R3HDM1: variants seen among roughly 807,000 people sequenced by gnomAD.
The protein encoded by R3HDM1 is R3H domain containing 1, also known as R3H domain-containing protein 1.
R3HDM1 carries 46 observed loss-of-function variants against 141.1 expected under a neutral mutation model. That is an observed-to-expected ratio of 0.33 (90% CI 0.26 to 0.42). The LOEUF is 0.42. Ranked by LOEUF, R3HDM1 falls within the 10% of genes least tolerant of loss-of-function variation. The pLI, the probability that R3HDM1 is intolerant of heterozygous loss-of-function variation, is 1.00. For synonymous variants in R3HDM1, 435 were observed against 472.9 expected (o/e 0.92, Z 1.04); for missense variants, 1,184 against 1,368.3 (o/e 0.87, Z 2.12).
rs1300101155 is a variant in R3HDM1 at position 135,689,081 on chromosome 2, G to T, written c.2459+8757G>T. 2.0e-5 allele frequency among the ~76,000 whole-genome samples: 3 copies of T among 152,004 alleles called. No homozygotes were observed. The South Asian group carries it at 6.2e-4, about 32-fold the overall frequency. ...AACCCTATATATCTTCATTTAATTG[G>T]TCTGGCCCTGATCTTAAGCCTGAGC... On this transcript the variant is annotated intron_variant, in intron 21 of 26. Transcript: ENST00000683871.
At chr2:135,647,162 T>G (rs2064552068) in intron 16 of R3HDM1, among the ~76,000 whole-genome samples, 1 of 152,196 alleles carries the variant, frequency 6.6e-6, no homozygotes, top group South Asian at 2.1e-4. Flanking sequence ...TGCCTAAAAC[T>G]ATTTCCACAG....
At chr2:135,707,082 G>C (rs2075049619) in intron 21 of R3HDM1, among the ~76,000 whole-genome samples, 1 of 152,186 alleles carries the variant, frequency 6.6e-6, no homozygotes, top group South Asian at 2.1e-4. Context: ...TTTATGTCAG[G>C]ACTTTTCAGG....
At position 135,641,645 on chromosome 2, in the gene R3HDM1, C is replaced by G; in HGVS notation, c.1329C>G (p.Val443=). The G allele has an allele frequency of 6.2e-7, 1 of 1,614,198 alleles. No individual in the cohort carries two copies. The highest frequency in any genetic ancestry group is 1.1e-5 in the South Asian group (1 of 91,082). ...AGTCTTCTCATGGCGCACCTGTCGT[C>G]TATCCAACTGTCAGCACTCATAGTT... is the stretch of plus-strand genomic sequence containing the variant. ...LSQSSHGAPV[V]YPTVSTHSSL... The change falls in exon 15 of 27, where the codon GTC becomes GTG. Residue 443 remains valine, a synonymous_variant. Transcript: ENST00000683871.
At chr2:135,637,151 A>C (rs1385937996) in intron 11 of R3HDM1, among the ~76,000 whole-genome samples, 1 of 152,186 alleles carries the variant, frequency 6.6e-6, no homozygotes, top group Non-Finnish European at 1.5e-5. Flanking sequence ...TGAATAGCCA[A>C]GTAATGACAA....
chr2:135,697,468 G>A (rs762735246), intron 21 of R3HDM1, among the ~76,000 whole-genome samples: 20 of 152,234 alleles, frequency 1.3e-4, no homozygotes, highest in Middle Eastern at 6.8e-3. Flanking sequence ...ATGAATGTTT[G>A]TAGCAACAAT....
intron 1 of R3HDM1, among the ~76,000 whole-genome samples, chr2:135,585,647 T>C (rs913836492): frequency 6.6e-6 from 1 of 152,258 alleles, no homozygotes; most frequent in Non-Finnish European, 1.5e-5. Flanking sequence ...GTTTGCCTTA[T>C]AATTATTAAA....
At chr2:135,566,876 GC>G (rs1248844211) in intron 1 of R3HDM1, 3 of 550,340 alleles carry the variant, frequency 5.5e-6, no homozygotes, top group Admixed American at 1.3e-4. Context: ...GCAGGCTGGG[GC>G]AGAAGAATCA....
chr2:135,532,529 A>G (rs1425291187), intron 1 of R3HDM1, among the ~76,000 whole-genome samples: 2 of 152,004 alleles, frequency 1.3e-5, no homozygotes, highest in African/African-American at 2.4e-5. Flanking sequence ...AGGATTAGTG[A>G]ACAGCAAATG....
intron 3 of R3HDM1, among the ~76,000 whole-genome samples, chr2:135,610,515 C>CT (rs1001587223): frequency 1.1e-4 from 17 of 152,176 alleles, no homozygotes; most frequent in Non-Finnish European, 1.5e-5. Context: ...AGATGAGACT[C>CT]TTATGTCTTG....
At chr2:135,642,961 G>C (rs935978093) in intron 15 of R3HDM1, among the ~76,000 whole-genome samples, 1 of 152,046 alleles carries the variant, frequency 6.6e-6, no homozygotes. Flanking sequence ...TATCCAGCAA[G>C]ATGTAAGATG....
intron 1 of R3HDM1, among the ~76,000 whole-genome samples, chr2:135,558,790 T>C (rs1356376136): frequency 1.3e-5 from 2 of 152,224 alleles, no homozygotes; most frequent in Non-Finnish European, 2.9e-5. Flanking sequence ...TTTAAAATTT[T>C]TATCAAACAA....
At chr2:135,614,877 A>G (rs760349895) in intron 3 of R3HDM1, among the ~76,000 whole-genome samples, 20 of 151,924 alleles carry the variant, frequency 1.3e-4, no homozygotes, top group South Asian at 6.2e-4. Flanking sequence ...TGGTAGTACA[A>G]TTTATTTTAC....
chr2:135,689,273 G>A (rs527547371), intron 21 of R3HDM1, among the ~76,000 whole-genome samples: 1 of 152,286 alleles, frequency 6.6e-6, no homozygotes, highest in African/African-American at 2.4e-5. Flanking sequence ...AAGTCATGAT[G>A]TCTATCACTG....
intron 21 of R3HDM1, among the ~76,000 whole-genome samples, chr2:135,699,777 T>G (rs1326860309): frequency 6.6e-6 from 1 of 152,206 alleles, no homozygotes; most frequent in Non-Finnish European, 1.5e-5. Context: ...CACTTCTCTA[T>G]GTTCTAAGAT....
In R3HDM1 at chr2:135,672,757, G is replaced by C. The variant is rs1481915972; in HGVS notation, c.2153-2575G>C. Among the ~76,000 whole-genome samples, 4 of 152,136 alleles carry C rather than the reference G, an allele frequency of 2.6e-5. No homozygotes were observed. In the East Asian group the frequency reaches 7.7e-4, roughly 29 times the overall value. On this transcript the variant is annotated intron_variant, in intron 19 of 26. Coordinates refer to ENST00000683871, the MANE Select transcript of R3HDM1 (RefSeq NM_001378107.1). Reference sequence around the variant, plus strand: ...TGTGTTTGTGTGTGTGCTTGTGTGTGTGTGTGTGGCAATTAGTGGGCATGG... The same window carrying C: ...TGTGTTTGTGTGTGTGCTTGTGTGTCTGTGTGTGGCAATTAGTGGGCATGG...
chr2:135,643,302 T>C (rs957437439), intron 15 of R3HDM1, among the ~76,000 whole-genome samples: 1 of 152,144 alleles, frequency 6.6e-6, no homozygotes, highest in African/African-American at 2.4e-5. Context: ...ACACAAATTA[T>C]CAGTATACTA....
chr2:135,532,168 A>G (rs944760730), intron 1 of R3HDM1, among the ~76,000 whole-genome samples: 1 of 152,244 alleles, frequency 6.6e-6, no homozygotes, highest in African/African-American at 2.4e-5. Context: ...TTGCACCAAG[A>G]GAATTTTCAG....
chr2:135,706,835 T>G (rs891968689), intron 21 of R3HDM1, among the ~76,000 whole-genome samples: 1 of 152,206 alleles, frequency 6.6e-6, no homozygotes, highest in African/African-American at 2.4e-5. Context: ...CCTTTCCCCC[T>G]TTTCTATTCC....
At chr2:135,680,462 A>G in intron 21 of R3HDM1, 138 bp downstream of exon 21, 2 of 981,230 alleles carry the variant, frequency 2.0e-6, no homozygotes, top group Non-Finnish European at 2.9e-6. Context: ...ACTATAATAC[A>G]GTATACTTTT....
Sources: gnomAD v4.1 joint callset for allele counts (sites outside exome capture counted in the v4.1 genomes callset) on GRCh38, gnomAD v4.1.1 for gene constraint, MANE v1.5 for transcripts, NCBI Gene and HGNC (gene_info 2026-07-23, HGNC 2026-07-21) for gene names.